Variants in ASAP1 observed in about 807,000 individuals in gnomAD.
The protein encoded by ASAP1 is arf-GAP with SH3 domain, ANK repeat and PH domain-containing protein 1.
A neutral mutation model predicts 145.2 loss-of-function variants in ASAP1; 43 were observed. The ratio of observed to expected loss-of-function variants is 0.30; its 90% CI spans 0.23 to 0.38. The LOEUF (loss-of-function observed/expected upper bound fraction) is 0.38. ASAP1 is among the 10% of genes least tolerant of loss of function. The pLI, the probability that ASAP1 is intolerant of heterozygous loss-of-function variation, is 1.00. For missense variants in ASAP1, 1,018 were observed against 1,355.3 expected (o/e 0.75, Z 3.91); for synonymous variants, 546 against 515.5 (o/e 1.06, Z -0.80).
chr8:130,236,264 G>A (rs1029646183), intron 4 of ASAP1, among the ~76,000 whole-genome samples: 2 of 151,832 alleles, frequency 1.3e-5, no homozygotes, highest in Non-Finnish European at 2.9e-5. Context: ...TCCATTTTAT[G>A]TTTCCAAGCT....
At position 130,179,250 on chromosome 8, in the gene ASAP1, A is replaced by C. The variant is rs759759304; in HGVS notation, c.746+14T>G. The C allele has an allele frequency of 1.9e-5, 30 of 1,541,448 alleles. No homozygotes were observed. Among genetic ancestry groups the C allele is most frequent in the Non-Finnish European group, 2.6e-5 (29 of 1,116,898 alleles). On this transcript the variant is annotated intron_variant, in intron 9 of 29. Transcript: ENST00000518721. ...TAATTGGGCTAATAACAATGCTTGCAATATTCTACTCACTTGCACTGTGCA... is the reference window on the plus strand; with the variant it reads ...TAATTGGGCTAATAACAATGCTTGCCATATTCTACTCACTTGCACTGTGCA...
intron 5 of ASAP1, among the ~76,000 whole-genome samples, chr8:130,206,324 C>A (rs1431141783): frequency 6.6e-6 from 1 of 152,050 alleles, no homozygotes; most frequent in Non-Finnish European, 1.5e-5. Context: ...TACCATTAGG[C>A]ACATCCATGC....
intron 3 of ASAP1, among the ~76,000 whole-genome samples, chr8:130,268,188 A>G (rs1313598707): frequency 6.6e-6 from 1 of 152,176 alleles, no homozygotes; most frequent in Non-Finnish European, 1.5e-5. Flanking sequence ...TGTGGCCCTC[A>G]AAATAAGACT....
intron 3 of ASAP1, 45 bp from the exon 4 acceptor site, chr8:130,237,039 A>C (rs933594399): frequency 7.1e-7 from 1 of 1,411,426 alleles, no homozygotes; most frequent in African/African-American, 1.5e-5. Context: ...GATTTGGTAA[A>C]TTAAAAAAAT....
At chr8:130,266,801 G>C (rs956221616) in intron 3 of ASAP1, among the ~76,000 whole-genome samples, 1 of 151,922 alleles carries the variant, frequency 6.6e-6, no homozygotes, top group African/African-American at 2.4e-5. Flanking sequence ...ATGAACGATA[G>C]ACAGATATAA....
At chr8:130,306,244 T>C (rs1822985453) in intron 3 of ASAP1, among the ~76,000 whole-genome samples, 1 of 152,210 alleles carries the variant, frequency 6.6e-6, no homozygotes, top group South Asian at 2.1e-4. Flanking sequence ...GAGTAGGCAC[T>C]TAGAAGGTGT....
At chr8:130,291,908 A>G (rs1001118683) in intron 3 of ASAP1, among the ~76,000 whole-genome samples, 1 of 152,202 alleles carries the variant, frequency 6.6e-6, no homozygotes, top group Non-Finnish European at 1.5e-5. Flanking sequence ...GGTAATGTGC[A>G]CGTATTCCGT....
At chr8:130,239,992 A>T (rs1251656082) in intron 3 of ASAP1, among the ~76,000 whole-genome samples, 1 of 152,164 alleles carries the variant, frequency 6.6e-6, no homozygotes, top group Non-Finnish European at 1.5e-5. Flanking sequence ...GGAGGAGAAT[A>T]ACCTATCGGT....
At chr8:130,343,957 T>C (rs988101141) in intron 3 of ASAP1, among the ~76,000 whole-genome samples, 1 of 152,246 alleles carries the variant, frequency 6.6e-6, no homozygotes, top group Non-Finnish European at 1.5e-5. Context: ...AGTGGGCTTA[T>C]GGATGACTTT....
intron 25 of ASAP1, chr8:130,083,049 T>C (rs1382637716): frequency 6.6e-6 from 1 of 152,262 alleles, no homozygotes; most frequent in Admixed American, 6.5e-5. Flanking sequence ...TGATTATTAA[T>C]GCAGGTTGCA....
At chr8:130,137,122 T>C (rs2097596739) in intron 13 of ASAP1, 84 bp from the exon 14 acceptor site, 4 of 1,097,486 alleles carry the variant, frequency 3.6e-6, no homozygotes, top group Admixed American at 1.7e-5. Flanking sequence ...GCAGGTATGC[T>C]GTTCATAAGG....
intron 2 of ASAP1, among the ~76,000 whole-genome samples, chr8:130,395,542 C>T (rs1423514869): frequency 6.6e-6 from 1 of 152,212 alleles, no homozygotes; most frequent in African/African-American, 2.4e-5. Context: ...GGAACATCAA[C>T]GACTGCTGGT....
At chr8:130,408,601 A>C (rs1829134289) in intron 1 of ASAP1, among the ~76,000 whole-genome samples, 1 of 152,130 alleles carries the variant, frequency 6.6e-6, no homozygotes, top group African/African-American at 2.4e-5. Flanking sequence ...AATTCCACTT[A>C]TTATAAGGGT....
intron 3 of ASAP1, 106 bp downstream of exon 3, chr8:130,357,911 G>A: frequency 6.9e-7 from 1 of 1,447,726 alleles, no homozygotes; most frequent in Non-Finnish European, 9.2e-7. Flanking sequence ...AGGGGGTGTG[G>A]CGCCCCCGGC....
chr8:130,070,711 C>T (rs1001337173), intron 27 of ASAP1, among the ~76,000 whole-genome samples: 3 of 150,836 alleles, frequency 2.0e-5, no homozygotes, highest in African/African-American at 4.9e-5. Context: ...CAAGAACATT[C>T]TAATGGGGAA....
At chr8:130,170,345 G>A (rs1043142190) in intron 9 of ASAP1, among the ~76,000 whole-genome samples, 2 of 152,132 alleles carry the variant, frequency 1.3e-5, no homozygotes, top group African/African-American at 4.8e-5. Flanking sequence ...AGTAGAGACA[G>A]GGTTTCACCA....
At position 130,116,665 on chromosome 8, in the gene ASAP1, C is replaced by A; in HGVS notation, c.2064+13G>T. 6.2e-7 allele frequency: 1 copy of A among 1,612,320 alleles called. No homozygotes were observed. Among genetic ancestry groups the A allele is most frequent in the Non-Finnish European group, 8.5e-7 (1 of 1,178,562 alleles). On this transcript the variant is annotated intron_variant, in intron 22 of 29. Coordinates refer to ENST00000518721, the MANE Select transcript of ASAP1 (RefSeq NM_018482.4). ...CAATGTCTAATAAATCTCCCACGTC[C>A]ATTTTTGCTTACCAGATCTTCACAC...
At chr8:130,149,899 C>T (rs2097642150) in intron 13 of ASAP1, among the ~76,000 whole-genome samples, 1 of 152,130 alleles carries the variant, frequency 6.6e-6, no homozygotes, top group Admixed American at 6.5e-5. Context: ...AACAGAATAG[C>T]ACAAATTAGC....
At chr8:130,063,146 T>TTA (rs1336323388) in intron 27 of ASAP1, among the ~76,000 whole-genome samples, 3 of 152,086 alleles carry the variant, frequency 2.0e-5, no homozygotes, top group African/African-American at 7.2e-5. Context: ...TTATCTTGGG[T>TTA]GGTAAGACTT....
Sources: gnomAD v4.1 joint callset for allele counts (sites outside exome capture counted in the v4.1 genomes callset) on GRCh38, gnomAD v4.1.1 for gene constraint, MANE v1.5 for transcripts, NCBI Gene and HGNC (gene_info 2026-07-23, HGNC 2026-07-21) for gene names.